JAKMIP2: variants seen among roughly 807,000 people sequenced by gnomAD.
JAKMIP2 encodes the protein janus kinase and microtubule-interacting protein 2.
A neutral mutation model predicts 115.0 loss-of-function variants in JAKMIP2; 25 were observed. That is an observed-to-expected ratio of 0.22 (90% CI 0.16 to 0.30). The LOEUF is 0.30. JAKMIP2 is among the 10% of genes least tolerant of loss of function. JAKMIP2 has a pLI of 1.00. For missense variants in JAKMIP2, 642 were observed against 957.6 expected, an observed-to-expected ratio of 0.67 and a Z score of 4.35; for synonymous variants, 334 against 343.6, an observed-to-expected ratio of 0.97 and a Z score of 0.31.
At chr5:147,617,182 T>C (rs1284481007) in intron 19 of JAKMIP2, among the ~76,000 whole-genome samples, 7 of 152,190 alleles carry the variant, frequency 4.6e-5, no homozygotes, top group Admixed American at 4.6e-4. Flanking sequence ...TGGACCTTGC[T>C]GATGAATCAC....
chr5:147,648,964 G>A (rs892718505), intron 4 of JAKMIP2, among the ~76,000 whole-genome samples: 1 of 152,150 alleles, frequency 6.6e-6, no homozygotes, highest in African/African-American at 2.4e-5. Context: ...AAAAGGTCAA[G>A]GTGAGAAAAT....
chr5:147,655,933 G>A (rs1758651730), intron 3 of JAKMIP2, among the ~76,000 whole-genome samples: 1 of 152,114 alleles, frequency 6.6e-6, no homozygotes, highest in Non-Finnish European at 1.5e-5. Flanking sequence ...CTTGATTTCT[G>A]CCTTAATTTT....
chr5:147,762,923 A>G (rs1754981204), intron 1 of JAKMIP2, among the ~76,000 whole-genome samples: 1 of 152,168 alleles, frequency 6.6e-6, no homozygotes, highest in Non-Finnish European at 1.5e-5. Flanking sequence ...GTTCATATCA[A>G]AAATCTTCTG....
chr5:147,730,427 G>T (rs995477039), intron 1 of JAKMIP2, among the ~76,000 whole-genome samples: 2 of 151,354 alleles, frequency 1.3e-5, no homozygotes, highest in Admixed American at 1.3e-4. Context: ...CCTCCCATGT[G>T]ATATCGGATC....
chr5:147,772,051 A>T (rs1755377859), intron 1 of JAKMIP2, among the ~76,000 whole-genome samples: 1 of 152,124 alleles, frequency 6.6e-6, no homozygotes, highest in Non-Finnish European at 1.5e-5. Flanking sequence ...TAATTAAATG[A>T]CCTAAGATAT....
chr5:147,641,754 T>G lies in JAKMIP2; in HGVS notation c.1235A>C (p.Lys412Thr). 1 of 1,613,052 alleles carries G rather than the reference T, an allele frequency of 6.2e-7. No homozygotes were observed. Among genetic ancestry groups the G allele is most frequent in the Non-Finnish European group, 8.5e-7 (1 of 1,179,142 alleles). ...IIDELTRDRE[K>T]LIRRRKHRRS... is the part of the protein sequence containing the mutation. ...TCTATGCTTTCTTCTACGGATGAGC[T>G]TTTCTCGGTCCTGGAAAACAGATGA... The change falls in exon 8 of 22, where the codon AAG becomes ACG. Residue 412 changes from lysine to threonine, a missense_variant. Transcript: ENST00000616793.
At chr5:147,782,239 C>A (rs1755786314) in intron 1 of JAKMIP2, among the ~76,000 whole-genome samples, 1 of 151,988 alleles carries the variant, frequency 6.6e-6, no homozygotes, top group Admixed American at 6.6e-5. Flanking sequence ...GAGATAAAAT[C>A]AGAACACCAT....
chr5:147,649,748 A>G (rs1758305866), intron 4 of JAKMIP2, among the ~76,000 whole-genome samples: 2 of 152,144 alleles, frequency 1.3e-5, no homozygotes, highest in African/African-American at 4.8e-5. Context: ...ATACATTTCC[A>G]TTATTATAGC....
At chr5:147,742,155 A>ATATATATATATAT in intron 1 of JAKMIP2, among the ~76,000 whole-genome samples, 2 of 108,908 alleles carry the variant, frequency 1.8e-5, no homozygotes, top group African/African-American at 7.6e-5. Flanking sequence ...ATATATATAT[A>ATATATATATATAT]TTTTTTTTAC....
rs1756671212 is a variant in JAKMIP2 at position 147,618,090 on chromosome 5, A to G, written c.2167T>C (p.Leu723=). The change falls in exon 19 of 22, where the codon TTG becomes CTG. Residue 723 remains leucine, a synonymous_variant. Transcript: ENST00000616793. ...GTTTCTTGCTGTAGAGCATTGTACA[A>G]AGTAGCTTCTAGTTCCTGGATTCTC... ...YMRIQELEAT[L]YNALQQETVI... is the part of the protein sequence containing the mutation. 6.2e-7 allele frequency: 1 copy of G among 1,613,818 alleles called. No individual in the cohort carries two copies. The highest frequency in any genetic ancestry group is 1.7e-5 in the Admixed American group (1 of 60,002).
At chr5:147,715,251 G>C (rs199725316) in intron 1 of JAKMIP2, among the ~76,000 whole-genome samples, 2 of 151,828 alleles carry the variant, frequency 1.3e-5, no homozygotes, top group East Asian at 3.9e-4. Flanking sequence ...AATTAATGTA[G>C]AGCCATTTGG....
At chr5:147,676,330 C>T (rs1022689226) in intron 1 of JAKMIP2, among the ~76,000 whole-genome samples, 2 of 152,104 alleles carry the variant, frequency 1.3e-5, no homozygotes, top group Non-Finnish European at 2.9e-5. Flanking sequence ...AGCGAGACTC[C>T]GTCTCAAAAA....
At chr5:147,655,435 G>C (rs1338061580) in intron 3 of JAKMIP2, among the ~76,000 whole-genome samples, 1 of 152,176 alleles carries the variant, frequency 6.6e-6, no homozygotes, top group Admixed American at 6.5e-5. Context: ...TTGGGAGGGT[G>C]TAAGTGTCCA....
intron 1 of JAKMIP2, among the ~76,000 whole-genome samples, chr5:147,781,916 A>G (rs541818898): frequency 2.6e-5 from 4 of 152,362 alleles, no homozygotes; most frequent in East Asian, 3.9e-4. Flanking sequence ...CGTATAAAAT[A>G]AAACTGGGTC....
intron 1 of JAKMIP2, among the ~76,000 whole-genome samples, chr5:147,752,728 C>T (rs1043911901): frequency 1.3e-5 from 2 of 151,990 alleles, no homozygotes; most frequent in Admixed American, 6.6e-5. Context: ...ATGGAGAGAT[C>T]TAGGACATGA....
At chr5:147,726,673 C>T (rs567796118) in intron 1 of JAKMIP2, among the ~76,000 whole-genome samples, 2 of 152,324 alleles carry the variant, frequency 1.3e-5, no homozygotes, top group South Asian at 2.1e-4. Context: ...CATAAGCCCA[C>T]TGTTAAAGCC....
At chr5:147,688,649 T>C (rs1381600858) in intron 1 of JAKMIP2, among the ~76,000 whole-genome samples, 1 of 152,206 alleles carries the variant, frequency 6.6e-6, no homozygotes, top group Non-Finnish European at 1.5e-5. Flanking sequence ...GGATTTAATC[T>C]AAGCTGTTAG....
chr5:147,688,740 C>T (rs148263831), intron 1 of JAKMIP2, among the ~76,000 whole-genome samples: 122 of 152,218 alleles, frequency 8.0e-4, no homozygotes, highest in African/African-American at 2.7e-3. Flanking sequence ...GGAATAAGGC[C>T]GGTAAAGCGT....
intron 1 of JAKMIP2, among the ~76,000 whole-genome samples, chr5:147,750,884 T>C (rs1286291105): frequency 6.6e-6 from 1 of 151,250 alleles, no homozygotes; most frequent in Non-Finnish European, 1.5e-5. Context: ...ACCAACCCTG[T>C]AATTACCTCG....
Sources: allele counts gnomAD v4.1 joint callset (sites outside exome capture counted in the v4.1 genomes callset), GRCh38; gene constraint gnomAD v4.1.1; transcripts MANE v1.5; gene names NCBI Gene and HGNC (gene_info 2026-07-23, HGNC 2026-07-21).